AKAP19: variants seen among roughly 807,000 people sequenced by gnomAD.
AKAP19 encodes the protein A-kinase anchoring protein 19.
chr2:189,893,503 G>A, the AKAP19 span, among the ~76,000 whole-genome samples: 2 of 152,216 alleles, frequency 1.3e-5, no homozygotes, highest in African/African-American at 4.8e-5. Context: ...CTTGCCGGGT[G>A]AGGCGATGCC....
chr2:189,998,147 T>C, the AKAP19 span, among the ~76,000 whole-genome samples: 1,090 of 152,374 alleles, frequency 7.2e-3, 11 homozygotes, highest in African/African-American at 0.025. Flanking sequence ...GTTTTTTGTC[T>C]GTCTTACAGA....
chr2:190,043,009 G>T, the AKAP19 span, among the ~76,000 whole-genome samples: 2 of 152,304 alleles, frequency 1.3e-5, no homozygotes, highest in Admixed American at 1.3e-4. Context: ...TAAGAATGTT[G>T]AATATAGACC....
At chr2:189,987,678 T>G in the AKAP19 span, among the ~76,000 whole-genome samples, 1 of 152,224 alleles carries the variant, frequency 6.6e-6, no homozygotes, top group Non-Finnish European at 1.5e-5. Flanking sequence ...GGGATTTTTC[T>G]AAAATATCAG....
the AKAP19 span, among the ~76,000 whole-genome samples, chr2:189,912,001 A>C: frequency 6.6e-6 from 1 of 152,052 alleles, no homozygotes; most frequent in East Asian, 1.9e-4. Flanking sequence ...TTTAATATAT[A>C]TGTATATCCA....
the AKAP19 span, among the ~76,000 whole-genome samples, chr2:189,951,583 C>G: frequency 1.3e-5 from 2 of 152,104 alleles, no homozygotes; most frequent in Non-Finnish European, 2.9e-5. Flanking sequence ...CTTTGAAAGC[C>G]AAATCTAAAG....
chr2:189,987,970 G>T, the AKAP19 span, among the ~76,000 whole-genome samples: 4 of 151,838 alleles, frequency 2.6e-5, no homozygotes, highest in Non-Finnish European at 5.9e-5. Context: ...AAAACTCAGG[G>T]ATCAGAGTTT....
chr2:190,106,137 G>A, the AKAP19 span, among the ~76,000 whole-genome samples: 1 of 152,204 alleles, frequency 6.6e-6, no homozygotes, highest in Non-Finnish European at 1.5e-5. Flanking sequence ...TATAAGGCAT[G>A]TGAGACATAA....
chr2:189,888,213 C>A, the AKAP19 span, among the ~76,000 whole-genome samples: 11 of 152,110 alleles, frequency 7.2e-5, no homozygotes, highest in African/African-American at 2.7e-4. Context: ...ATAGGGAATC[C>A]TTTTCCCATT....
the AKAP19 span, among the ~76,000 whole-genome samples, chr2:190,081,945 C>T: frequency 6.6e-6 from 1 of 152,124 alleles, no homozygotes; most frequent in Non-Finnish European, 1.5e-5. Flanking sequence ...TGGGCTTTCT[C>T]CCCTAGGGGC....
the AKAP19 span, among the ~76,000 whole-genome samples, chr2:189,961,065 A>G: frequency 6.6e-6 from 1 of 152,196 alleles, no homozygotes; most frequent in Non-Finnish European, 1.5e-5. Context: ...AGAAGTGCAT[A>G]AATTCTGCCT....
the AKAP19 span, among the ~76,000 whole-genome samples, chr2:190,128,260 A>G: frequency 6.6e-6 from 1 of 152,228 alleles, no homozygotes; most frequent in South Asian, 2.1e-4. Context: ...TAAAAATCCA[A>G]TGAGAGGTCA....
At chr2:190,179,365 C>T in the AKAP19 span, among the ~76,000 whole-genome samples, 1 of 151,850 alleles carries the variant, frequency 6.6e-6, no homozygotes, top group African/African-American at 2.4e-5. The surrounding 1 kb of genome is among the most constrained non-coding windows in gnomAD (Gnocchi z 6.0). Flanking sequence ...CAAGATTGCG[C>T]CATTGCACTC....
the AKAP19 span, among the ~76,000 whole-genome samples, chr2:189,950,027 G>GTTTT: frequency 2.3e-4 from 8 of 35,010 alleles, no homozygotes; most frequent in African/African-American, 3.0e-4. Flanking sequence ...TTTGGTTTTG[G>GTTTT]GTTTTTTTTT....
the AKAP19 span, among the ~76,000 whole-genome samples, chr2:190,005,228 T>C: frequency 6.6e-6 from 1 of 152,182 alleles, no homozygotes; most frequent in African/African-American, 2.4e-5. Flanking sequence ...CAGGGAGACC[T>C]GACCAGGTTG....
chr2:190,015,156 G>C, the AKAP19 span, among the ~76,000 whole-genome samples: 2 of 152,158 alleles, frequency 1.3e-5, no homozygotes, highest in Admixed American at 6.5e-5. Context: ...GACTCTCTGT[G>C]GGGGCTCCAA....
chr2:190,055,488 A>T, the AKAP19 span, among the ~76,000 whole-genome samples: 130 of 151,802 alleles, frequency 8.6e-4, 1 homozygote, highest in Middle Eastern at 3.4e-3. Flanking sequence ...ATAAAAAAAT[A>T]AAAAAAAGAG....
At chr2:190,012,101 T>C in the AKAP19 span, among the ~76,000 whole-genome samples, 1 of 152,156 alleles carries the variant, frequency 6.6e-6, no homozygotes, top group Non-Finnish European at 1.5e-5. Flanking sequence ...ATGTCTTCAA[T>C]TTTTCTCATC....
chr2:189,985,520 G>A, the AKAP19 span, among the ~76,000 whole-genome samples: 1 of 152,172 alleles, frequency 6.6e-6, no homozygotes, highest in Admixed American at 6.5e-5. Flanking sequence ...GCCTGTGAAG[G>A]CCATGTGGAA....
the AKAP19 span, among the ~76,000 whole-genome samples, chr2:190,074,296 G>A: frequency 6.6e-6 from 1 of 152,084 alleles, no homozygotes; most frequent in Non-Finnish European, 1.5e-5. Context: ...TATCACTAAT[G>A]GATATGAAAA....
Sources: gnomAD v4.1 joint callset for allele counts (sites outside exome capture counted in the v4.1 genomes callset) on GRCh38, gnomAD v4.1.1 for gene constraint, Gnocchi (gnomAD v3.1) non-coding constraint, MANE v1.5 for transcripts, NCBI Gene and HGNC (gene_info 2026-07-23, HGNC 2026-07-21) for gene names.